PRIMPOL: variants seen among roughly 807,000 people sequenced by gnomAD.
PRIMPOL encodes the protein DNA-directed primase/polymerase protein.
In PRIMPOL, 54 loss-of-function variants were observed where a neutral mutation model predicts 63.6. The observed-to-expected ratio is 0.85, with a 90% CI of 0.68 to 1.07. The LOEUF (loss-of-function observed/expected upper bound fraction) is 1.07, where lower values mean the gene tolerates loss of function less well. PRIMPOL is among the 50% of genes least tolerant of loss of function. The probability of loss-of-function intolerance (pLI) is 0.00; values close to 1 mark genes in which losing one functional copy is unlikely to be tolerated. For synonymous variants in PRIMPOL, 197 were observed against 220.2 expected, an observed-to-expected ratio of 0.89 and a Z score of 0.93; for missense variants, 610 against 648.3, an observed-to-expected ratio of 0.94 and a Z score of 0.64.
At chr4:184,652,891 A>G (rs1744979466) in intron 2 of PRIMPOL, among the ~76,000 whole-genome samples, 1 of 7,824 alleles carries the variant, frequency 1.3e-4, no homozygotes, top group African/African-American at 1.5e-4. Context: ...AAGAAGGGAA[A>G]GAAGGGAGGG....
At chr4:184,684,624 C>T (rs1484228011) in intron 9 of PRIMPOL, among the ~76,000 whole-genome samples, 2 of 151,954 alleles carry the variant, frequency 1.3e-5, no homozygotes, top group African/African-American at 4.8e-5. Flanking sequence ...CAATGGTGAG[C>T]ACACACCATG....
Position 184,659,440 on chromosome 4 carries a change from A to G in PRIMPOL, c.278+3A>G, listed in dbSNP as rs372052216. 71 of 1,590,542 alleles carry G rather than the reference A, an allele frequency of 4.5e-5. No homozygotes were observed. In the Middle Eastern group the frequency reaches 6.6e-4, roughly 15 times the overall value. The stretch of plus-strand genomic sequence containing the variant: ...TTTTGGTTTTACTATAAATCCAGGT[A>G]GGTAGCATGCAGCAGAACCACACAT... On this transcript the variant is annotated splice_donor_region_variant and intron_variant, in intron 4 of 13. Transcript: ENST00000314970.
At chr4:184,672,489 A>T in intron 7 of PRIMPOL, 29 bp downstream of exon 7, 1 of 1,574,082 alleles carries the variant, frequency 6.4e-7, no homozygotes, top group African/African-American at 1.4e-5. Flanking sequence ...TTTCTCCATC[A>T]GACCGCCCTG....
At chr4:184,669,054 C>T (rs1750853356) in intron 6 of PRIMPOL, among the ~76,000 whole-genome samples, 1 of 152,152 alleles carries the variant, frequency 6.6e-6, no homozygotes, top group Admixed American at 6.5e-5. Context: ...ACGATGTGGT[C>T]TGTTCACCTG....
chr4:184,654,457 T>TTTTTTTTTGTTTG (rs1476755972), intron 2 of PRIMPOL, among the ~76,000 whole-genome samples: 1 of 146,308 alleles, frequency 6.8e-6, no homozygotes, highest in East Asian at 2.0e-4. Flanking sequence ...AAAGCAGTTT[T>TTTTTTTTTGTTTG]TTTTTTTTTT....
At chr4:184,675,806 G>T (rs1263291274) in intron 7 of PRIMPOL, among the ~76,000 whole-genome samples, 1 of 152,140 alleles carries the variant, frequency 6.6e-6, no homozygotes, top group Admixed American at 6.5e-5. Context: ...AACAGAGTAA[G>T]ACTCAGTATC....
chr4:184,666,090 A>G (rs557442041), intron 6 of PRIMPOL, 26 bp downstream of exon 6: 93 of 1,545,702 alleles, frequency 6.0e-5, no homozygotes, highest in Non-Finnish European at 7.7e-5. Flanking sequence ...TTTAAAAATC[A>G]TGGAGTTGTA....
chr4:184,678,508 T>G, intron 8 of PRIMPOL, 114 bp downstream of exon 8: 1 of 781,338 alleles, frequency 1.3e-6, no homozygotes, highest in Non-Finnish European at 2.0e-6. Context: ...CTTAAGAAAA[T>G]GTCAGTTCTT....
chr4:184,665,850 C>A, intron 5 of PRIMPOL, 67 bp from the exon 6 acceptor site: 1 of 1,045,098 alleles, frequency 9.6e-7, no homozygotes, highest in Non-Finnish European at 1.4e-6. Context: ...TAAAGAGATG[C>A]TTATTGCTTA....
chr4:184,677,536 T>G (rs1214932004), intron 7 of PRIMPOL, among the ~76,000 whole-genome samples: 1 of 7,834 alleles, frequency 1.3e-4, no homozygotes, highest in African/African-American at 1.8e-4. Flanking sequence ...CACGACACTG[T>G]CTAATATAGT....
chr4:184,657,952 C>T (rs1746959753), intron 3 of PRIMPOL, among the ~76,000 whole-genome samples: 2 of 151,908 alleles, frequency 1.3e-5, no homozygotes, highest in Non-Finnish European at 2.9e-5. Context: ...GAGATCGCGC[C>T]ATTGCACTCC....
At chr4:184,669,716 A>G (rs2696049) in intron 6 of PRIMPOL, among the ~76,000 whole-genome samples, 26,996 of 152,194 alleles carry the variant, frequency 0.18, 3,621 homozygotes, top group East Asian at 0.7. Context: ...AACATAAGCA[A>G]AACTATAGAG....
intron 7 of PRIMPOL, among the ~76,000 whole-genome samples, chr4:184,675,009 G>A (rs573302498): frequency 1.3e-5 from 2 of 152,084 alleles, no homozygotes; most frequent in African/African-American, 4.8e-5. Context: ...TTACAATATC[G>A]CACTAAACAC....
chr4:184,667,649 G>A (rs1308816225), intron 6 of PRIMPOL, among the ~76,000 whole-genome samples: 1 of 152,208 alleles, frequency 6.6e-6, no homozygotes, highest in Middle Eastern at 3.2e-3. Context: ...AAGATTGGGT[G>A]TCTGGTAGAC....
At chr4:184,651,626 A>G (rs953561797) in intron 1 of PRIMPOL, among the ~76,000 whole-genome samples, 1 of 152,168 alleles carries the variant, frequency 6.6e-6, no homozygotes, top group Non-Finnish European at 1.5e-5. Flanking sequence ...GGTTTCCTGT[A>G]AATCATACTA....
At chr4:184,656,316 A>T (rs2720382) in intron 2 of PRIMPOL, among the ~76,000 whole-genome samples, 29,498 of 152,004 alleles carry the variant, frequency 0.19, 3,901 homozygotes, top group East Asian at 0.7. Context: ...TTTAGGTGCC[A>T]TCTCTTGATG....
intron 6 of PRIMPOL, among the ~76,000 whole-genome samples, chr4:184,669,006 C>T (rs1036058977): frequency 6.6e-6 from 1 of 152,108 alleles, no homozygotes; most frequent in Non-Finnish European, 1.5e-5. Context: ...TTTTCTGTAG[C>T]GCTTGGGCCT....
intron 7 of PRIMPOL, among the ~76,000 whole-genome samples, chr4:184,676,072 C>T (rs970080897): frequency 6.6e-6 from 1 of 151,988 alleles, no homozygotes; most frequent in Non-Finnish European, 1.5e-5. Flanking sequence ...GCTTTTCTTC[C>T]TTATCTTCTA....
At chr4:184,685,807 C>CT (rs34039283) in intron 11 of PRIMPOL, 123 bp downstream of exon 11, 9,332 of 487,724 alleles carry the variant, frequency 0.019, 222 homozygotes, top group African/African-American at 0.1. Flanking sequence ...TATTAAATTT[C>CT]TTTTTTTTTT....
Sources: gnomAD v4.1 joint callset for allele counts (sites outside exome capture counted in the v4.1 genomes callset) on GRCh38, gnomAD v4.1.1 for gene constraint, MANE v1.5 for transcripts, NCBI Gene and HGNC (gene_info 2026-07-23, HGNC 2026-07-21) for gene names.